Variants in MKLN1 observed in about 807,000 individuals in gnomAD.
The protein encoded by MKLN1 is muskelin 1.
MKLN1 carries 18 observed loss-of-function variants against 99.0 expected under a neutral mutation model. The observed-to-expected ratio is 0.18, with a 90% CI of 0.13 to 0.27. MKLN1 has a LOEUF of 0.27. Ranked by LOEUF, MKLN1 falls within the 10% of genes least tolerant of loss-of-function variation. The pLI is 1.00. For missense variants in MKLN1, 621 were observed against 875.9 expected (o/e 0.71, Z 3.67); for synonymous variants, 288 against 293.2 (o/e 0.98, Z 0.18).
chr7:131,420,466 G>A (rs1478030626), intron 8 of MKLN1, among the ~76,000 whole-genome samples: 1 of 152,114 alleles, frequency 6.6e-6, no homozygotes, highest in East Asian at 1.9e-4. Context: ...TCTAAGATGG[G>A]TACAACAAGA....
chr7:131,189,563 C>T (rs1796504580), intron 2 of MKLN1, among the ~76,000 whole-genome samples: 2 of 151,632 alleles, frequency 1.3e-5, no homozygotes, highest in South Asian at 2.1e-4. Context: ...ACTCCCAAAC[C>T]ACCCAGACAA....
chr7:131,133,814 AATTTGGT>A (rs1795601871), intron 1 of MKLN1, among the ~76,000 whole-genome samples: 2 of 32,954 alleles, frequency 6.1e-5, no homozygotes, highest in Non-Finnish European at 7.9e-5. Context: ...TTTTTTTTTT[AATTTGGT>A]TTTTTTTTTT....
chr7:131,287,813 TC>T lies in MKLN1; in HGVS notation c.-179+84845del, dbSNP rs1342282379. On this transcript the variant is annotated intron_variant, in intron 3 of 7. Transcript: ENST00000416992. ...GAGGTGATTGGATCATGGGGGAGGT[TC>T]CCCCCATGCTGTTCTCGTGATAGTG... 4.6e-5 allele frequency among the ~76,000 whole-genome samples: 7 copies of T among 152,066 alleles called. No individual in the cohort carries two copies. In the East Asian group the frequency reaches 5.8e-4, roughly 13 times the overall value.
chr7:131,291,103 T>TTATG (rs1798209040), intron 3 of MKLN1, among the ~76,000 whole-genome samples: 1 of 102,158 alleles, frequency 9.8e-6, no homozygotes, highest in Non-Finnish European at 2.4e-5. Context: ...TCATTTTATT[T>TTATG]TATTTATTTA....
chr7:131,190,474 A>G (rs186577), intron 2 of MKLN1, among the ~76,000 whole-genome samples: 13 of 151,332 alleles, frequency 8.6e-5, no homozygotes, highest in African/African-American at 3.2e-4. Context: ...AAAAAAAAAA[A>G]TCTAAAGAGC....
rs1318612846 is a variant in MKLN1, at chr7:131,437,716, A to G, written c.961-69A>G. 22 of 1,202,664 alleles carry G rather than the reference A, an allele frequency of 1.8e-5. 1 individual carries two copies. In the African/African-American group the frequency reaches 2.5e-4, roughly 14 times the overall value. The allele number at this position is 1,202,664 out of a possible 1,614,324, so 74.5% of individuals were successfully genotyped here. The stretch of plus-strand genomic sequence containing the variant: ...ATAAAAAATGACGTTTAATTTTTCT[A>G]TTATTTGTTCTTTGATTTTTTTTTG... On this transcript the variant is annotated intron_variant, in intron 9 of 17. Transcript: ENST00000352689.
chr7:131,478,427 C>A, intron 16 of MKLN1, 196 bp from the exon 17 acceptor site: 1 of 440,298 alleles, frequency 2.3e-6, no homozygotes, highest in Non-Finnish European at 3.9e-6. Flanking sequence ...ATGATAATAG[C>A]CTAGTAGAAA....
chr7:131,403,040 C>T (rs1794596383), intron 6 of MKLN1, among the ~76,000 whole-genome samples: 1 of 152,150 alleles, frequency 6.6e-6, no homozygotes, highest in Admixed American at 6.5e-5. Flanking sequence ...ATTGACTTCA[C>T]TCTAGCTATG....
At chr7:131,134,183 G>A (rs569011368) in intron 1 of MKLN1, among the ~76,000 whole-genome samples, 2 of 152,142 alleles carry the variant, frequency 1.3e-5, no homozygotes, top group South Asian at 2.1e-4. Flanking sequence ...TAATTACTAA[G>A]CCTTATCTTA....
intron 1 of MKLN1, among the ~76,000 whole-genome samples, chr7:131,126,636 C>G (rs546929474): frequency 6.6e-6 from 1 of 152,262 alleles, no homozygotes. Context: ...TCACTGCAAC[C>G]TCTGCCTCCC....
intron 2 of MKLN1, among the ~76,000 whole-genome samples, chr7:131,192,315 T>C (rs183065989): frequency 8.0e-5 from 7 of 87,318 alleles, no homozygotes; most frequent in African/African-American, 3.9e-4. Context: ...ATATAAAATA[T>C]AATATATACA....
At chr7:131,460,916 ACTGTT>A (rs1328274269) in intron 12 of MKLN1, among the ~76,000 whole-genome samples, 2 of 152,186 alleles carry the variant, frequency 1.3e-5, no homozygotes, top group Non-Finnish European at 2.9e-5. Flanking sequence ...CCAGTTCTTT[ACTGTT>A]TTTATCTTCC....
At chr7:131,391,529 A>G (rs758695230) in intron 4 of MKLN1, among the ~76,000 whole-genome samples, 3 of 152,240 alleles carry the variant, frequency 2.0e-5, no homozygotes, top group Non-Finnish European at 2.9e-5. Flanking sequence ...TAAATTGTTA[A>G]CAAGGAAAAT....
At chr7:131,166,114 A>G (rs966322704) in intron 2 of MKLN1, among the ~76,000 whole-genome samples, 2 of 144,320 alleles carry the variant, frequency 1.4e-5, no homozygotes, top group African/African-American at 2.6e-5. Context: ...CAAAAAAAAA[A>G]GAAAATGATT....
intron 3 of MKLN1, among the ~76,000 whole-genome samples, chr7:131,289,567 G>T (rs1798187197): frequency 6.6e-6 from 1 of 152,164 alleles, no homozygotes; most frequent in African/African-American, 2.4e-5. Flanking sequence ...CCAGGAAGCA[G>T]CACAGCATAC....
chr7:131,202,903 A>G (rs547711066), exon 3 of MKLN1: 34 of 152,356 alleles, frequency 2.2e-4, no homozygotes, highest in African/African-American at 7.5e-4. Flanking sequence ...AAAAGAATAA[A>G]GTATCTCCTG....
In MKLN1 at chr7:131,399,454, A is replaced by T. The variant is rs565271887; in HGVS notation, c.703+21A>T. On this transcript the variant is annotated intron_variant, in intron 6 of 17. Coordinates refer to ENST00000352689, the MANE Select transcript of MKLN1 (RefSeq NM_013255.5). The stretch of plus-strand genomic sequence containing the variant: ...AAATGGTATGAAACTTAGATTGGTT[A>T]TTAGGGTAAATTCAAGTACATACGG... The T allele has an allele frequency of 9.4e-6, 15 of 1,599,354 alleles. No homozygotes were observed. The South Asian group carries it at 1.3e-4, about 14-fold the overall frequency.
At chr7:131,358,569 T>C (rs562370423) in intron 1 of MKLN1, among the ~76,000 whole-genome samples, 69 of 152,340 alleles carry the variant, frequency 4.5e-4, no homozygotes, top group Non-Finnish European at 8.8e-4. Flanking sequence ...GTGTTTCCTC[T>C]GCTATTCTTT....
At chr7:131,217,920 A>G (rs1177978143) in intron 3 of MKLN1, among the ~76,000 whole-genome samples, 3 of 152,190 alleles carry the variant, frequency 2.0e-5, no homozygotes, top group Non-Finnish European at 4.4e-5. Context: ...TCTGCAGCAA[A>G]GAAAGAGTTT....
Sources: allele counts gnomAD v4.1 joint callset (sites outside exome capture counted in the v4.1 genomes callset), GRCh38; gene constraint gnomAD v4.1.1; transcripts MANE v1.5; gene names NCBI Gene and HGNC (gene_info 2026-07-23, HGNC 2026-07-21).